STAU2: variants seen among roughly 807,000 people sequenced by gnomAD.
STAU2 encodes double-stranded RNA-binding protein Staufen homolog 2.
STAU2 carries 20 observed loss-of-function variants against 65.9 expected under a neutral mutation model. The observed-to-expected ratio is 0.30, with a 90% confidence interval of 0.21 to 0.44. The LOEUF (loss-of-function observed/expected upper bound fraction) is 0.44, where lower values mean the gene tolerates loss of function less well. Among genes scored for constraint, STAU2 ranks in the 20% least tolerant of loss-of-function variants. The pLI, the probability that STAU2 is intolerant of heterozygous loss-of-function variation, is 1.00. For missense variants in STAU2, 558 were observed against 683.9 expected, an observed-to-expected ratio of 0.82 and a Z score of 2.05; for synonymous variants, 232 against 233.9, an observed-to-expected ratio of 0.99 and a Z score of 0.07.
chr8:73,541,515 A>AT (rs559463844), intron 13 of STAU2, among the ~76,000 whole-genome samples: 29 of 152,326 alleles, frequency 1.9e-4, no homozygotes, highest in Admixed American at 1.2e-3. Context: ...GCAATATGTT[A>AT]TCCACAATGT....
At chr8:73,645,462 TA>T (rs1190404810) in intron 6 of STAU2, among the ~76,000 whole-genome samples, 1 of 151,428 alleles carries the variant, frequency 6.6e-6, no homozygotes, top group Non-Finnish European at 1.5e-5. Context: ...AAATATTTAC[TA>T]AAAATCTACA....
At chr8:73,474,942 A>G (rs945213136) in intron 13 of STAU2, among the ~76,000 whole-genome samples, 2 of 152,266 alleles carry the variant, frequency 1.3e-5, no homozygotes, top group African/African-American at 4.8e-5. Context: ...AGGCATGAGA[A>G]GAATAACCTG....
intron 13 of STAU2, among the ~76,000 whole-genome samples, chr8:73,425,373 G>A (rs1190178841): frequency 6.6e-6 from 1 of 152,164 alleles, no homozygotes; most frequent in African/African-American, 2.4e-5. Context: ...TGATGCCGCA[G>A]CAGCCAAGGA....
intron 6 of STAU2, among the ~76,000 whole-genome samples, chr8:73,663,079 C>T (rs1390799601): frequency 1.3e-5 from 2 of 152,138 alleles, no homozygotes; most frequent in African/African-American, 4.8e-5. Context: ...CAGAGATCAG[C>T]AAACTTCTGT....
At chr8:73,571,424 C>G (rs1027405747) in intron 12 of STAU2, among the ~76,000 whole-genome samples, 2 of 152,168 alleles carry the variant, frequency 1.3e-5, no homozygotes, top group African/African-American at 4.8e-5. Flanking sequence ...AACTCTCCAC[C>G]CCAAATCAAC....
chr8:73,625,147 T>C (rs1055779329), intron 6 of STAU2, among the ~76,000 whole-genome samples: 5 of 151,754 alleles, frequency 3.3e-5, no homozygotes, highest in African/African-American at 1.2e-4. Context: ...CTATGGAAAA[T>C]AGTTTACCAG....
chr8:73,693,761 C>T (rs1347769179), intron 4 of STAU2, among the ~76,000 whole-genome samples: 3 of 152,246 alleles, frequency 2.0e-5, no homozygotes, highest in African/African-American at 7.2e-5. Context: ...GCCTTGGCTT[C>T]GCCATTTACT....
At position 73,614,485 on chromosome 8, in the gene STAU2, ATATT is replaced by A. The variant is rs1812688287; in HGVS notation, c.679-533_679-530del. 3.3e-5 allele frequency among the ~76,000 whole-genome samples: 5 copies of A among 152,254 alleles called. No individual in the cohort carries two copies. In the South Asian group the frequency reaches 1.0e-3, roughly 32 times the overall value. ...GTCAAAAGCTGTTTTACAGAAAGGG[ATATT>A]TATTCTTGTGACACGATTTTAAAAA... On this transcript the variant is annotated intron_variant, in intron 8 of 14. Coordinates refer to ENST00000524300, the MANE Select transcript of STAU2 (RefSeq NM_001164380.2).
At chr8:73,589,319 C>A (rs1810603343) in intron 11 of STAU2, among the ~76,000 whole-genome samples, 1 of 152,056 alleles carries the variant, frequency 6.6e-6, no homozygotes, top group Non-Finnish European at 1.5e-5. Flanking sequence ...AACACTCATT[C>A]AAAAATTATG....
intron 13 of STAU2, among the ~76,000 whole-genome samples, chr8:73,473,754 C>T (rs1457499486): frequency 6.6e-6 from 1 of 152,160 alleles, no homozygotes; most frequent in Non-Finnish European, 1.5e-5. Context: ...TAAGTGCTCA[C>T]TAGCTAAAAA....
At chr8:73,689,854 G>A (rs1477897450) in intron 4 of STAU2, among the ~76,000 whole-genome samples, 2 of 152,094 alleles carry the variant, frequency 1.3e-5, no homozygotes, top group East Asian at 1.9e-4. Flanking sequence ...AATCCAGTGA[G>A]AAGTATATAT....
intron 12 of STAU2, among the ~76,000 whole-genome samples, chr8:73,560,094 T>G (rs2128948576): frequency 6.8e-6 from 1 of 147,188 alleles, no homozygotes; most frequent in Non-Finnish European, 1.5e-5. Context: ...TTTTTTTTTT[T>G]TTTTGAGACA....
chr8:73,552,774 G>T (rs765884913), intron 12 of STAU2, among the ~76,000 whole-genome samples: 1 of 152,104 alleles, frequency 6.6e-6, no homozygotes, highest in Non-Finnish European at 1.5e-5. Context: ...AGGTACAAAC[G>T]CATGTATTCA....
intron 13 of STAU2, among the ~76,000 whole-genome samples, chr8:73,488,577 G>A (rs1420972583): frequency 6.6e-6 from 1 of 151,708 alleles, no homozygotes; most frequent in Non-Finnish European, 1.5e-5. Context: ...TTAAATCTGA[G>A]GTCTCCTCAT....
Position 73,739,822 on chromosome 8 carries a change from T to C in STAU2, c.-150A>G. On this transcript the variant is annotated 5_prime_UTR_variant, in exon 2 of 15. Coordinates refer to ENST00000524300, the MANE Select transcript of STAU2 (RefSeq NM_001164380.2). ...TCTTCTTTTTCTGTCTTCTTTTTTT[T>C]CTTCAATCTTTAAAAAGTAAGCTAA... The C allele has an allele frequency of 2.7e-6, 4 of 1,498,510 alleles. No individual in the cohort carries two copies. Among genetic ancestry groups the C allele is most frequent in the South Asian group, 1.2e-5 (1 of 82,808 alleles). 92.8% of individuals were successfully genotyped at this position (1,498,510 alleles called of 1,614,324 possible).
chr8:73,582,336 A>T lies in STAU2; in HGVS notation c.1222+434T>A, dbSNP rs150641395. Among the ~76,000 whole-genome samples, 17 of 151,812 alleles carry T rather than the reference A, an allele frequency of 1.1e-4. No homozygotes were observed. In the East Asian group the frequency reaches 3.1e-3, roughly 28 times the overall value. Reference sequence around the variant, plus strand: ...ATAAAATTTTATGTATATCATAATTATATAAAAATTTGTGTGCATAAAAAA... The same window carrying T: ...ATAAAATTTTATGTATATCATAATTTTATAAAAATTTGTGTGCATAAAAAA... On this transcript the variant is annotated intron_variant, in intron 12 of 14. Transcript: ENST00000524300.
intron 11 of STAU2, among the ~76,000 whole-genome samples, chr8:73,589,470 A>G (rs1312789112): frequency 6.6e-6 from 1 of 152,222 alleles, no homozygotes; most frequent in African/African-American, 2.4e-5. Context: ...TGAAAGACCA[A>G]CTGGAAAAAG....
intron 12 of STAU2, among the ~76,000 whole-genome samples, chr8:73,582,278 C>T (rs1376979498): frequency 6.6e-6 from 1 of 151,286 alleles, no homozygotes; most frequent in Non-Finnish European, 1.5e-5. Context: ...CAGCAAAACG[C>T]AAAAAATGCT....
At chr8:73,562,659 C>A (rs1412089405) in intron 12 of STAU2, among the ~76,000 whole-genome samples, 5 of 152,154 alleles carry the variant, frequency 3.3e-5, no homozygotes, top group African/African-American at 9.7e-5. Context: ...AAGAACTTAA[C>A]CCACAAAACA....
Sources: gnomAD v4.1 joint callset for allele counts (sites outside exome capture counted in the v4.1 genomes callset) on GRCh38, gnomAD v4.1.1 for gene constraint, MANE v1.5 for transcripts, NCBI Gene and HGNC (gene_info 2026-07-23, HGNC 2026-07-21) for gene names.